Variants in ATIC observed in about 807,000 individuals in gnomAD.
The protein encoded by ATIC is 5-aminoimidazole-4-carboxamide ribonucleotide formyltransferase/IMP cyclohydrolase.
ATIC carries 64 observed loss-of-function variants against 72.5 expected under a neutral mutation model. The observed-to-expected ratio is 0.88, with a 90% CI of 0.72 to 1.09. The LOEUF (loss-of-function observed/expected upper bound fraction) is 1.09. Among genes scored for constraint, ATIC ranks in the 50% least tolerant of loss-of-function variants. The pLI, the probability that ATIC is intolerant of heterozygous loss-of-function variation, is 0.00. For synonymous variants in ATIC, 281 were observed against 267.1 expected, an observed-to-expected ratio of 1.05 and a Z score of -0.51; for missense variants, 787 against 732.4, an observed-to-expected ratio of 1.07 and a Z score of -0.86.
At chr2:215,317,119 A>G (rs991029630) in intron 2 of ATIC, among the ~76,000 whole-genome samples, 3 of 152,196 alleles carry the variant, frequency 2.0e-5, no homozygotes, top group African/African-American at 7.2e-5. Flanking sequence ...TACAACTTAT[A>G]AAGTCTGCCA....
chr2:215,328,497 C>G (rs1208057260), intron 7 of ATIC, among the ~76,000 whole-genome samples: 1 of 152,092 alleles, frequency 6.6e-6, no homozygotes, highest in East Asian at 1.9e-4. Context: ...CTTTCCACTC[C>G]AGCGCCTCTG....
At chr2:215,366,697 ATAAT>A in the ATIC span, among the ~76,000 whole-genome samples, 3 of 152,354 alleles carry the variant, frequency 2.0e-5, no homozygotes, top group East Asian at 1.9e-4. Context: ...ACAAAGTAAA[ATAAT>A]TAGACAACTG....
At position 215,346,650 on chromosome 2, in the gene ATIC, G is replaced by A. The variant is rs1352744149; in HGVS notation, c.1321-109G>A. ...TATTTCTCTTATTTTGGCCTGATAT[G>A]TTCTTCCACAAAACTAATAAATAGG... On this transcript the variant is annotated intron_variant, in intron 13 of 15. Transcript: ENST00000236959. The A allele has an allele frequency of 9.3e-6, 12 of 1,286,522 alleles. No homozygotes were observed. The Admixed American group carries it at 1.3e-4, about 14-fold the overall frequency. 79.7% of individuals were successfully genotyped at this position (1,286,522 alleles called of 1,614,324 possible).
chr2:215,349,032 G>C, intron 14 of ATIC, 62 bp from the exon 15 acceptor site: 1 of 1,570,022 alleles, frequency 6.4e-7, no homozygotes, highest in African/African-American at 1.4e-5. Context: ...ATGGTGATTT[G>C]CACCACATAG....
chr2:215,322,495 A>C (rs1177746366), intron 4 of ATIC, among the ~76,000 whole-genome samples: 1 of 151,236 alleles, frequency 6.6e-6, no homozygotes, highest in Admixed American at 6.6e-5. Flanking sequence ...ACGCCCAGCT[A>C]ATTTTTTTGT....
intron 12 of ATIC, among the ~76,000 whole-genome samples, chr2:215,340,607 G>T (rs1257449911): frequency 6.6e-6 from 1 of 152,162 alleles, no homozygotes; most frequent in Non-Finnish European, 1.5e-5. Flanking sequence ...CTTTTGGGCA[G>T]ATAAGGTGTA....
chr2:215,344,508 T>G (rs2053051533), intron 12 of ATIC, among the ~76,000 whole-genome samples: 2 of 152,028 alleles, frequency 1.3e-5, no homozygotes, highest in South Asian at 4.2e-4. Flanking sequence ...CTGGCCAACA[T>G]GGTGAAACCC....
At chr2:215,362,048 C>T in the ATIC span, 1 of 1,614,016 alleles carries the variant, frequency 6.2e-7, no homozygotes, top group Non-Finnish European at 8.5e-7. Flanking sequence ...GGGTTCACCC[C>T]CAGGTCTGCG....
intron 2 of ATIC, among the ~76,000 whole-genome samples, chr2:215,316,295 A>AACCCCAGGAAAAGAC (rs1273317386): frequency 4.6e-5 from 7 of 152,184 alleles, no homozygotes; most frequent in African/African-American, 1.4e-4. Flanking sequence ...AGAAATTTTG[A>AACCCCAGGAAAAGAC]ATTTGAAAAC....
intron 2 of ATIC, among the ~76,000 whole-genome samples, chr2:215,316,411 C>T (rs776223688): frequency 9.2e-5 from 14 of 152,090 alleles, no homozygotes; most frequent in Non-Finnish European, 1.5e-4. Context: ...CAGGAAATTC[C>T]GTATCTTACT....
At chr2:215,313,097 A>T (rs1037527537) in intron 2 of ATIC, among the ~76,000 whole-genome samples, 1 of 152,202 alleles carries the variant, frequency 6.6e-6, no homozygotes, top group Non-Finnish European at 1.5e-5. Flanking sequence ...ACCCTGGACA[A>T]CACACTGGAC....
chr2:215,341,233 A>G (rs1247276945), intron 12 of ATIC, among the ~76,000 whole-genome samples: 1 of 152,360 alleles, frequency 6.6e-6, no homozygotes, highest in East Asian at 1.9e-4. Flanking sequence ...ATACATAGAA[A>G]TATCTTTCAG....
the ATIC span, among the ~76,000 whole-genome samples, chr2:215,367,394 GT>G: frequency 6.6e-6 from 1 of 152,194 alleles, no homozygotes; most frequent in African/African-American, 2.4e-5. Context: ...GGCTATGTGT[GT>G]GACGCAAAAG....
chr2:215,323,130 A>G lies in ATIC; in HGVS notation c.291-2111A>G, dbSNP rs1177317831. The stretch of plus-strand genomic sequence containing the variant: ...CAGCTAATTTTTTTGTATTTTTAGT[A>G]GAGACAGGGTTTCACCGTGTTCGCC... On this transcript the variant is annotated intron_variant, in intron 4 of 15. Coordinates refer to ENST00000236959, the MANE Select transcript of ATIC (RefSeq NM_004044.7). Among the ~76,000 whole-genome samples the G allele has an allele frequency of 2.0e-5, 3 of 152,112 alleles. No homozygotes were observed. In the East Asian group the frequency reaches 5.8e-4, roughly 29 times the overall value.
At chr2:215,337,403 G>C (rs1426631106) in intron 11 of ATIC, among the ~76,000 whole-genome samples, 1 of 152,096 alleles carries the variant, frequency 6.6e-6, no homozygotes, top group African/African-American at 2.4e-5. Flanking sequence ...TTGACAGTCT[G>C]TTGCCCAGGC....
chr2:215,342,582 T>A (rs950063311), intron 12 of ATIC, among the ~76,000 whole-genome samples: 1 of 152,324 alleles, frequency 6.6e-6, no homozygotes, highest in East Asian at 1.9e-4. Flanking sequence ...GCTTCCACCC[T>A]CTCCTTACCC....
chr2:215,354,591 T>A (rs1182570706), downstream of ATIC, among the ~76,000 whole-genome samples: 1 of 152,126 alleles, frequency 6.6e-6, no homozygotes, highest in Non-Finnish European at 1.5e-5. Flanking sequence ...GAGATTTCTT[T>A]AGTCTGGTCT....
intron 7 of ATIC, among the ~76,000 whole-genome samples, chr2:215,328,480 C>T (rs1036708795): frequency 2.0e-5 from 3 of 152,058 alleles, no homozygotes; most frequent in Non-Finnish European, 4.4e-5. Context: ...TCCAAGTGGG[C>T]CCAGCTCTTT....
At chr2:215,334,882 C>G in intron 9 of ATIC, 37 bp from the exon 10 acceptor site, 1 of 1,528,618 alleles carries the variant, frequency 6.5e-7, no homozygotes, top group Non-Finnish European at 9.1e-7. Context: ...TATCAGGATA[C>G]TTTGTGATAA....
Sources: gnomAD v4.1 joint callset for allele counts (sites outside exome capture counted in the v4.1 genomes callset) on GRCh38, gnomAD v4.1.1 for gene constraint, MANE v1.5 for transcripts, NCBI Gene and HGNC (gene_info 2026-07-23, HGNC 2026-07-21) for gene names.